Variants in SYT7 observed in about 807,000 individuals in gnomAD.
The protein encoded by SYT7 is synaptotagmin 7.
Under a neutral mutation model 75.1 loss-of-function variants are expected in SYT7, and 29 were observed. The observed-to-expected ratio is 0.39, with a 90% CI of 0.29 to 0.53. SYT7 has a LOEUF of 0.53. Ranked by LOEUF, SYT7 falls within the 20% of genes least tolerant of loss-of-function variation. The pLI, the probability that SYT7 is intolerant of heterozygous loss-of-function variation, is 0.77. For synonymous variants in SYT7, 376 were observed against 401.7 expected, an observed-to-expected ratio of 0.94 and a Z score of 0.76; for missense variants, 693 against 953.2, an observed-to-expected ratio of 0.73 and a Z score of 3.59.
At position 61,542,600 on chromosome 11, in the gene SYT7, GGAGA is replaced by G. The variant is rs1434986561; in HGVS notation, c.573-25_573-22del. ...CGAAACTTGGGGCAGGTGGAGGAGA[GGAGA>G]GAAAGGAGAAGCAGATGAAGGGATC... On this transcript the variant is annotated intron_variant, in intron 5 of 12. Coordinates refer to ENST00000539008, the MANE Select transcript of SYT7 (RefSeq NM_001365809.2). The surrounding 1 kb of genome is among the most constrained non-coding windows in gnomAD (Gnocchi z 7.8). The G allele has an allele frequency of 1.4e-6, 2 of 1,468,510 alleles. No homozygotes were observed. Among genetic ancestry groups the G allele is most frequent in the Non-Finnish European group, 1.8e-6 (2 of 1,113,756 alleles). 91.0% of individuals were successfully genotyped at this position (1,468,510 alleles called of 1,614,324 possible).
chr11:61,524,199 C>A lies in SYT7; in HGVS notation c.1641+164G>T, dbSNP rs2062438293. Among the ~76,000 whole-genome samples, 1 of 152,198 alleles carries A rather than the reference C, an allele frequency of 6.6e-6. No individual in the cohort carries two copies. The highest frequency in any genetic ancestry group is 2.1e-4 in the South Asian group (1 of 4,836). ...GGTGAGTCCCCCCAAGTGCCAAGCA[C>A]CAATGTTCTGACTGCTAGCGAGGGC... On this transcript the variant is annotated intron_variant, in intron 10 of 12. Transcript: ENST00000539008. This position sits in a 1 kb window ranked among gnomAD's most constrained non-coding sequence, Gnocchi z 4.1.
intron 1 of SYT7, among the ~76,000 whole-genome samples, chr11:61,565,951 G>A (rs895118881): frequency 6.6e-6 from 1 of 152,270 alleles, no homozygotes; most frequent in Non-Finnish European, 1.5e-5. Context: ...AGAATTCAGA[G>A]GAGATGCCAA....
chr11:61,544,188 G>C (rs963727911), intron 5 of SYT7, among the ~76,000 whole-genome samples: 1 of 152,144 alleles, frequency 6.6e-6, no homozygotes, highest in African/African-American at 2.4e-5. Flanking sequence ...CTCTGGTCTA[G>C]GGCCATGGGG....
At chr11:61,547,853 C>CT (rs1185243038) in intron 3 of SYT7, among the ~76,000 whole-genome samples, 7 of 152,332 alleles carry the variant, frequency 4.6e-5, no homozygotes, top group South Asian at 2.1e-4. Flanking sequence ...TATCAACTCT[C>CT]TCACTGCAGA....
At position 61,551,599 on chromosome 11, in the gene SYT7, C is replaced by T; in HGVS notation, c.136-136G>A. ...ACAAGGCCAGGACCAGTGTGCGAGG[C>T]TGTCACCGCGGTGGGGGCCAATCCC... is the stretch of plus-strand genomic sequence containing the variant. On this transcript the variant is annotated intron_variant, in intron 2 of 12. Transcript: ENST00000539008. This position sits in a 1 kb window ranked among gnomAD's most constrained non-coding sequence, Gnocchi z 5.3. 1 of 852,002 alleles carries T rather than the reference C, an allele frequency of 1.2e-6. No individual in the cohort carries two copies. The highest frequency in any genetic ancestry group is 1.8e-6 in the Non-Finnish European group (1 of 543,330). The allele number at this position is 852,002 out of a possible 1,614,324, so 52.8% of individuals were successfully genotyped here. A position where few individuals can be genotyped will look rare whatever the true frequency, so the allele number is the denominator to read the frequency against.
intron 1 of SYT7, among the ~76,000 whole-genome samples, chr11:61,575,920 A>C (rs1317755968): frequency 6.6e-6 from 1 of 152,112 alleles, no homozygotes; most frequent in African/African-American, 2.4e-5. Flanking sequence ...GCTCAATCAC[A>C]TGAAGATACC....
chr11:61,555,624 G>GGGGC (rs2063478797), intron 2 of SYT7, among the ~76,000 whole-genome samples: 1 of 152,240 alleles, frequency 6.6e-6, no homozygotes, highest in Non-Finnish European at 1.5e-5. Flanking sequence ...GTGCGGGGGT[G>GGGGC]GGGCGGGCGG....
intron 1 of SYT7, among the ~76,000 whole-genome samples, chr11:61,574,524 C>T (rs771952733): frequency 1.3e-4 from 20 of 152,106 alleles, no homozygotes; most frequent in Admixed American, 2.0e-4. Context: ...TGACCTGAGA[C>T]GGGATTCCTT....
rs2062104009 is a variant in SYT7, at chr11:61,514,072, C to T, written c.*4555G>A. 6.6e-6 allele frequency among the ~76,000 whole-genome samples: 1 copy of T among 152,028 alleles called. No homozygotes were observed. The highest frequency in any genetic ancestry group is 1.5e-5 in the Non-Finnish European group (1 of 67,998). On this transcript the variant is annotated 3_prime_UTR_variant, in exon 13 of 13. Transcript: ENST00000539008. ...CCAGGTACAGGGAGGGGTGGGGGAGCATCTCAGAGCAGGCATGGACGAAGA... is the reference window on the plus strand; with the variant it reads ...CCAGGTACAGGGAGGGGTGGGGGAGTATCTCAGAGCAGGCATGGACGAAGA...
chr11:61,551,375 G>A lies in SYT7; in HGVS notation c.215+9C>T. 1 of 1,613,550 alleles carries A rather than the reference G, an allele frequency of 6.2e-7. No individual in the cohort carries two copies. Among genetic ancestry groups the A allele is most frequent in the Non-Finnish European group, 8.5e-7 (1 of 1,179,872 alleles). ...TGGCCCCATCCCAAACTAGCAGCCTGGCACCTACTTGATAGCCTTCTTCTC... is the reference window on the plus strand; with the variant it reads ...TGGCCCCATCCCAAACTAGCAGCCTAGCACCTACTTGATAGCCTTCTTCTC... On this transcript the variant is annotated intron_variant, in intron 3 of 12. Transcript: ENST00000539008. This position sits in a 1 kb window ranked among gnomAD's most constrained non-coding sequence, Gnocchi z 5.3.
At chr11:61,585,839 G>A (rs188277702), upstream of SYT7, among the ~76,000 whole-genome samples, 2 of 152,108 alleles carry the variant, frequency 1.3e-5, 1 homozygote, top group East Asian at 3.9e-4. Flanking sequence ...TCGAACTCGG[G>A]TCCTACCTCT....
intron 1 of SYT7, among the ~76,000 whole-genome samples, chr11:61,559,945 T>C (rs1046643113): frequency 6.6e-6 from 1 of 152,210 alleles, no homozygotes; most frequent in Non-Finnish European, 1.5e-5. Context: ...TAACCAGCCA[T>C]GTGGCCAGCA....
At chr11:61,519,812 TTTTG>T (rs749245537) in intron 12 of SYT7, among the ~76,000 whole-genome samples, 36 of 152,068 alleles carry the variant, frequency 2.4e-4, no homozygotes, top group Non-Finnish European at 3.1e-4. Flanking sequence ...AAAATAGTGT[TTTTG>T]TTTGTTTGTT....
Position 61,513,733 on chromosome 11 carries a change from G to A in SYT7, c.*4894C>T, listed in dbSNP as rs956170644. Among the ~76,000 whole-genome samples, 2 of 152,204 alleles carry A rather than the reference G, an allele frequency of 1.3e-5. No individual in the cohort carries two copies. The highest frequency in any genetic ancestry group is 1.5e-5 in the Non-Finnish European group (1 of 68,038). On this transcript the variant is annotated 3_prime_UTR_variant, in exon 13 of 13. Coordinates refer to ENST00000539008, the MANE Select transcript of SYT7 (RefSeq NM_001365809.2). ...TGGCGATCTTGTTCTGAAGATGAACGTTTATTAGCACACCTGGGCGTGCCA... is the reference window on the plus strand; with the variant it reads ...TGGCGATCTTGTTCTGAAGATGAACATTTATTAGCACACCTGGGCGTGCCA...
At chr11:61,549,173 C>G (rs2063277156) in intron 3 of SYT7, among the ~76,000 whole-genome samples, 1 of 151,984 alleles carries the variant, frequency 6.6e-6, no homozygotes, top group Non-Finnish European at 1.5e-5. Flanking sequence ...CCCGAGGTCC[C>G]AGAAAAAAAA....
intron 1 of SYT7, among the ~76,000 whole-genome samples, chr11:61,561,841 G>A (rs903173440): frequency 2.0e-5 from 3 of 152,090 alleles, no homozygotes; most frequent in Admixed American, 6.5e-5. Flanking sequence ...CGAGCTCGGC[G>A]TCTGACACAC....
At position 61,538,129 on chromosome 11, in the gene SYT7, C is replaced by T. The variant is rs1387605202; in HGVS notation, c.1064+15G>A. 6 of 1,535,678 alleles carry T rather than the reference C, an allele frequency of 3.9e-6. No individual in the cohort carries two copies. Among genetic ancestry groups the T allele is most frequent in the Admixed American group, 2.0e-5 (1 of 50,978 alleles). Reference sequence around the variant, plus strand: ...CTCTGCCGCCGCCGCCGCAGGCCCTCGCCTGTGCTCGTACCTCTTGTCCCC... The same window carrying T: ...CTCTGCCGCCGCCGCCGCAGGCCCTTGCCTGTGCTCGTACCTCTTGTCCCC... On this transcript the variant is annotated intron_variant, in intron 7 of 12. Coordinates refer to ENST00000539008, the MANE Select transcript of SYT7 (RefSeq NM_001365809.2).
chr11:61,559,973 A>C (rs1343091353), intron 1 of SYT7, among the ~76,000 whole-genome samples: 2 of 152,200 alleles, frequency 1.3e-5, no homozygotes, highest in African/African-American at 4.8e-5. Flanking sequence ...TGACTCTTGG[A>C]TATCAGTGCC....
At chr11:61,554,860 A>G (rs2063451241) in intron 2 of SYT7, among the ~76,000 whole-genome samples, 1 of 152,134 alleles carries the variant, frequency 6.6e-6, no homozygotes, top group Non-Finnish European at 1.5e-5. Flanking sequence ...TCGCACAGGG[A>G]GCAGAGCTGG....
Sources: gnomAD v4.1 joint callset for allele counts (sites outside exome capture counted in the v4.1 genomes callset) on GRCh38, gnomAD v4.1.1 for gene constraint, Gnocchi (gnomAD v3.1) non-coding constraint, MANE v1.5 for transcripts, NCBI Gene and HGNC (gene_info 2026-07-23, HGNC 2026-07-21) for gene names.